Variants in MAGI1 observed in about 807,000 individuals in gnomAD.
The protein encoded by MAGI1 is membrane associated guanylate kinase, WW and PDZ domain containing 1.
In MAGI1, 58 loss-of-function variants were observed where a neutral mutation model predicts 139.9. The ratio of observed to expected loss-of-function variants is 0.41; its 90% CI spans 0.34 to 0.52. The LOEUF (loss-of-function observed/expected upper bound fraction) is 0.52, where lower values mean the gene tolerates loss of function less well. Ranked by LOEUF, MAGI1 falls within the 20% of genes least tolerant of loss-of-function variation. The pLI, the probability that MAGI1 is intolerant of heterozygous loss-of-function variation, is 0.12. For synonymous variants in MAGI1, 812 were observed against 737.9 expected, an observed-to-expected ratio of 1.10 and a Z score of -1.63; for missense variants, 1,874 against 1,901.6, an observed-to-expected ratio of 0.99 and a Z score of 0.27.
intron 1 of MAGI1, among the ~76,000 whole-genome samples, chr3:65,706,947 A>G (rs1031977089): frequency 6.6e-6 from 1 of 152,220 alleles, no homozygotes; most frequent in Non-Finnish European, 1.5e-5. Context: ...CTCACAAGAC[A>G]TAAACAAAAA....
chr3:65,789,489 A>G (rs1223974857), intron 1 of MAGI1, among the ~76,000 whole-genome samples: 2 of 152,212 alleles, frequency 1.3e-5, no homozygotes, highest in Non-Finnish European at 2.9e-5. Context: ...CTCAGTTCCA[A>G]ACATTACTGA....
chr3:65,825,039 G>A (rs1269666616), intron 1 of MAGI1, among the ~76,000 whole-genome samples: 1 of 152,140 alleles, frequency 6.6e-6, no homozygotes, highest in African/African-American at 2.4e-5. Flanking sequence ...TAAAGAAGAG[G>A]GAAGAGTAAC....
chr3:65,569,827 A>G (rs530468030), intron 2 of MAGI1, among the ~76,000 whole-genome samples: 25 of 151,962 alleles, frequency 1.6e-4, no homozygotes, highest in African/African-American at 4.3e-4. Flanking sequence ...GTGAGCCATG[A>G]TTGTACCACT....
At position 65,516,467 on chromosome 3, in the gene MAGI1, G is replaced by A. The variant is rs150925670; in HGVS notation, c.431-22836C>T. The stretch of plus-strand genomic sequence containing the variant: ...ATTGGAATTACAGGCATGAGCCACC[G>A]TGCCTGGCCGACCCTGTCTCTTTTT... On this transcript the variant is annotated intron_variant, in intron 2 of 22. Transcript: ENST00000402939. 6.9e-3 allele frequency among the ~76,000 whole-genome samples: 1,044 copies of A among 152,032 alleles called. 8 individuals carry two copies. Among genetic ancestry groups the A allele is most frequent in the African/African-American group, 0.022 (932 of 41,484 alleles).
At chr3:65,920,201 T>C (rs1297390871) in intron 1 of MAGI1, among the ~76,000 whole-genome samples, 2 of 152,190 alleles carry the variant, frequency 1.3e-5, no homozygotes, top group Admixed American at 6.5e-5. Flanking sequence ...ATATTAGCCA[T>C]CTATTTAAAG....
At chr3:65,637,558 A>C (rs1350595018) in intron 1 of MAGI1, among the ~76,000 whole-genome samples, 1 of 30,790 alleles carries the variant, frequency 3.2e-5, no homozygotes, top group East Asian at 1.3e-3. Flanking sequence ...TCTCCAAAAA[A>C]AGAAAGAAAG....
chr3:65,560,643 A>G (rs531048663), intron 2 of MAGI1, among the ~76,000 whole-genome samples: 28 of 152,310 alleles, frequency 1.8e-4, no homozygotes, highest in South Asian at 6.2e-4. Flanking sequence ...TCCAGATAGG[A>G]AAAGAGGGAC....
chr3:65,840,327 T>A (rs1407262490), intron 1 of MAGI1, among the ~76,000 whole-genome samples: 1 of 152,218 alleles, frequency 6.6e-6, no homozygotes, highest in African/African-American at 2.4e-5. Flanking sequence ...CGGACATCTA[T>A]GCTTTGTTCA....
chr3:65,592,578 G>C (rs1384446474), intron 2 of MAGI1, among the ~76,000 whole-genome samples: 1 of 152,122 alleles, frequency 6.6e-6, no homozygotes, highest in African/African-American at 2.4e-5. Context: ...TGACTGAACA[G>C]GAGGTAGAGT....
intron 1 of MAGI1, among the ~76,000 whole-genome samples, chr3:66,017,804 A>C (rs2107535395): frequency 6.6e-6 from 1 of 152,308 alleles, no homozygotes; most frequent in Admixed American, 6.5e-5. Flanking sequence ...GCCAGGTGAC[A>C]GGACAGATTG....
chr3:65,604,683 G>A (rs56410097), intron 2 of MAGI1, among the ~76,000 whole-genome samples: 1,878 of 151,676 alleles, frequency 0.012, 16 homozygotes, highest in Middle Eastern at 0.021. Context: ...TTTCCTACTG[G>A]ATTTTAACTT....
intron 1 of MAGI1, among the ~76,000 whole-genome samples, chr3:65,685,933 T>G (rs1320332088): frequency 2.0e-5 from 3 of 152,204 alleles, no homozygotes; most frequent in Non-Finnish European, 4.4e-5. Context: ...TTCAGATTCT[T>G]CACAGGCCTC....
chr3:65,612,716 C>T (rs775570659), intron 2 of MAGI1, among the ~76,000 whole-genome samples: 12 of 152,190 alleles, frequency 7.9e-5, no homozygotes, highest in South Asian at 2.1e-4. Context: ...ATTTTACTTA[C>T]GTTTATTGAA....
intron 1 of MAGI1, among the ~76,000 whole-genome samples, chr3:65,827,836 TTTAAG>T (rs1224482784): frequency 2.0e-5 from 3 of 152,296 alleles, no homozygotes; most frequent in African/African-American, 4.8e-5. Flanking sequence ...TTATATAACA[TTTAAG>T]TTATTTTCCC....
In MAGI1 at chr3:65,863,220, T is replaced by C. The variant is rs547849090; in HGVS notation, c.313+174776A>G. On this transcript the variant is annotated intron_variant, in intron 1 of 22. Coordinates refer to ENST00000402939, the MANE Select transcript of MAGI1 (RefSeq NM_001033057.2). ...CTCCTCTGAGGAGCTCATGTGATACTGGTTACCATGTCTTCTGGCTACCAG... is the reference window on the plus strand; with the variant it reads ...CTCCTCTGAGGAGCTCATGTGATACCGGTTACCATGTCTTCTGGCTACCAG... Among the ~76,000 whole-genome samples, 7 of 152,326 alleles carry C rather than the reference T, an allele frequency of 4.6e-5. 1 individual carries two copies. The South Asian group carries it at 8.3e-4, about 18-fold the overall frequency.
intron 4 of MAGI1, among the ~76,000 whole-genome samples, chr3:65,477,970 A>G (rs1951002923): frequency 6.6e-6 from 1 of 151,776 alleles, no homozygotes; most frequent in South Asian, 2.1e-4. Context: ...GATAAAATAT[A>G]TATAATATAG....
At chr3:65,546,146 C>G (rs1464290658) in intron 2 of MAGI1, among the ~76,000 whole-genome samples, 2 of 152,128 alleles carry the variant, frequency 1.3e-5, no homozygotes, top group East Asian at 1.9e-4. Flanking sequence ...TAAATGGCCA[C>G]TAACTATAGA....
chr3:65,966,274 G>A (rs1451533590), intron 1 of MAGI1, among the ~76,000 whole-genome samples: 1 of 152,026 alleles, frequency 6.6e-6, no homozygotes, highest in African/African-American at 2.4e-5. Context: ...CCTCTGAATT[G>A]GAAATACTAA....
chr3:65,435,110 A>T (rs1947741204), intron 10 of MAGI1, among the ~76,000 whole-genome samples: 1 of 152,210 alleles, frequency 6.6e-6, no homozygotes, highest in Non-Finnish European at 1.5e-5. Context: ...TTGACTTCCC[A>T]GTCTCCAGAA....
Sources: gnomAD v4.1 joint callset for allele counts (sites outside exome capture counted in the v4.1 genomes callset) on GRCh38, gnomAD v4.1.1 for gene constraint, MANE v1.5 for transcripts, NCBI Gene and HGNC (gene_info 2026-07-23, HGNC 2026-07-21) for gene names.